The following DGKK variants were observed in gnomAD, a reference collection of about 807,000 sequenced individuals.
DGKK encodes diacylglycerol kinase kappa, also known as 142 kDa diacylglycerol kinase.
DGKK carries 35 observed loss-of-function variants against 92.2 expected under a neutral mutation model. That is an observed-to-expected ratio of 0.38 (90% confidence interval 0.29 to 0.50). The LOEUF is 0.50. Ranked by LOEUF, DGKK falls within the 20% of genes least tolerant of loss-of-function variation. DGKK has a pLI of 0.92. For synonymous variants in DGKK, 368 were observed against 360.6 expected, an observed-to-expected ratio of 1.02 and a Z score of -0.23; for missense variants, 910 against 992.2, an observed-to-expected ratio of 0.92 and a Z score of 1.11.
At chrX:50,400,707 T>C (rs1195661331) in intron 8 of DGKK, among the ~76,000 whole-genome samples, 1 of 111,909 alleles carries the variant, frequency 8.9e-6, no homozygotes, top group Non-Finnish European at 1.9e-5. Context: ...CTGGCCTTCA[T>C]GAAGTTCTTC....
intron 16 of DGKK, 106 bp from the exon 17 acceptor site, chrX:50,384,370 T>C (rs1294234871): frequency 2.0e-6 from 1 of 507,630 alleles, no homozygotes; most frequent in East Asian, 4.0e-5. Context: ...TCAAGCTCAG[T>C]GACTTTCTCC....
chrX:50,398,132 C>T (rs1443600111), intron 8 of DGKK, among the ~76,000 whole-genome samples: 1 of 111,601 alleles, frequency 9.0e-6, no homozygotes, highest in Non-Finnish European at 1.9e-5. Context: ...TGTGACTCAA[C>T]GCTAGCAAGG....
At chrX:50,397,590 C>G (rs1013068856) in intron 8 of DGKK, among the ~76,000 whole-genome samples, 1 of 112,007 alleles carries the variant, frequency 8.9e-6, no homozygotes, top group Non-Finnish European at 1.9e-5. Flanking sequence ...ATCAAATGCT[C>G]TGGGGGTAGT....
chrX:50,414,583 T>C (rs1241272172), intron 4 of DGKK, among the ~76,000 whole-genome samples: 1 of 111,708 alleles, frequency 9.0e-6, no homozygotes, highest in Non-Finnish European at 1.9e-5. Flanking sequence ...ATATATTTGG[T>C]TAATAAAATG....
chrX:50,381,428 A>G (rs1000661203), intron 18 of DGKK, among the ~76,000 whole-genome samples: 1 of 111,563 alleles, frequency 9.0e-6, no homozygotes, highest in African/African-American at 3.3e-5. Flanking sequence ...AGATCATGCC[A>G]CTGCACTCCA....
chrX:50,395,795 G>A (rs1364941509), intron 8 of DGKK, among the ~76,000 whole-genome samples: 1 of 67,261 alleles, frequency 1.5e-5, no homozygotes, highest in East Asian at 4.6e-4. Flanking sequence ...CTAGAACATT[G>A]GCAAAAAAAA....
chrX:50,371,621 A>G (rs1924129680), intron 26 of DGKK, 103 bp downstream of exon 26: 2 of 558,269 alleles, frequency 3.6e-6, no homozygotes, highest in South Asian at 3.1e-5. Context: ...CCAGCACTGG[A>G]CCCCCTGTAC....
chrX:50,416,720 G>A (rs1056787113), intron 4 of DGKK, among the ~76,000 whole-genome samples: 2 of 111,700 alleles, frequency 1.8e-5, no homozygotes, highest in African/African-American at 6.5e-5. Context: ...AAGGGGAGCT[G>A]TTAATACTTA....
In DGKK at chrX:50,365,467, C is replaced by G; in HGVS notation, c.*3473G>C. On this transcript the variant is annotated 3_prime_UTR_variant, in exon 28 of 28. Transcript: ENST00000611977. The stretch of plus-strand genomic sequence containing the variant: ...AGCAATACTTTATTAACATTGAGGA[C>G]TGGTGTTCCATTTGGCGGGGGGAGA... 1 of 111,500 alleles carries G rather than the reference C, an allele frequency of 9.0e-6. No individual in the cohort carries two copies. The highest frequency in any genetic ancestry group is 1.9e-5 in the Non-Finnish European group (1 of 53,151). The allele number at this position is 111,500 out of a possible 1,213,427, so 9.2% of individuals were successfully genotyped here.
chrX:50,408,298 C>T (rs2051320729), intron 4 of DGKK, among the ~76,000 whole-genome samples: 1 of 112,721 alleles, frequency 8.9e-6, no homozygotes, highest in African/African-American at 3.2e-5. Context: ...ATTCTCAGGC[C>T]TGGAGAACCT....
chrX:50,470,568 C>G lies in DGKK; in HGVS notation c.111G>C (p.Pro37=), dbSNP rs782008790. 1.4e-5 allele frequency: 17 copies of G among 1,203,337 alleles called. No homozygotes were observed. Among genetic ancestry groups the G allele is most frequent in the Non-Finnish European group, 1.7e-5 (15 of 893,260 alleles). ...PPPWPPPPPP[P]APPPAPPLLS... ...GCAGCGGCGGAGCCGGCGGCGGAGC[C>G]GGTGGTGGTGGCGGCGGCGGCCAAG... Residue 37 remains proline (P), a synonymous_variant, in exon 1 of 28, where the codon CCG becomes CCC. Coordinates refer to ENST00000611977, the MANE Select transcript of DGKK (RefSeq NM_001013742.4).
chrX:50,378,829 A>G (rs930305228), intron 20 of DGKK, 138 bp from the exon 21 acceptor site: 30 of 486,697 alleles, frequency 6.2e-5, no homozygotes, highest in African/African-American at 5.8e-4. Context: ...ATTAAAAGGG[A>G]AAAAGATGAG....
intron 1 of DGKK, among the ~76,000 whole-genome samples, chrX:50,453,578 C>A (rs1472813634): frequency 2.7e-5 from 3 of 111,310 alleles, no homozygotes; most frequent in Non-Finnish European, 5.7e-5. Flanking sequence ...CAAGGCCTTC[C>A]AAAAGTATGA....
At chrX:50,391,612 T>C (rs781945179) in intron 10 of DGKK, 36 bp from the exon 11 acceptor site, 1 of 1,204,460 alleles carries the variant, frequency 8.3e-7, no homozygotes, top group Admixed American at 2.2e-5. Flanking sequence ...TTTCAGACAG[T>C]CTTTCTACCA....
intron 1 of DGKK, among the ~76,000 whole-genome samples, chrX:50,460,800 T>A (rs1446501320): frequency 9.0e-6 from 1 of 111,682 alleles, no homozygotes; most frequent in Non-Finnish European, 1.9e-5. Flanking sequence ...TAATTGTGGA[T>A]AATGTCCTCA....
At chrX:50,429,823 T>G (rs782089539) in intron 1 of DGKK, among the ~76,000 whole-genome samples, 1 of 112,316 alleles carries the variant, frequency 8.9e-6, no homozygotes, top group South Asian at 3.7e-4. Flanking sequence ...AGAAGGGAGT[T>G]CTCCAGTTTT....
At chrX:50,440,702 A>G (rs997346634) in intron 1 of DGKK, among the ~76,000 whole-genome samples, 1 of 111,363 alleles carries the variant, frequency 9.0e-6, no homozygotes, top group Non-Finnish European at 1.9e-5. Context: ...GGATGACTGT[A>G]TAGTTAACTT....
intron 22 of DGKK, among the ~76,000 whole-genome samples, chrX:50,377,812 C>T (rs947623672): frequency 9.0e-6 from 1 of 111,623 alleles, no homozygotes; most frequent in South Asian, 3.8e-4. Context: ...GAGGAAGCTC[C>T]TTGTCTCACT....
intron 1 of DGKK, 41 bp from the exon 2 acceptor site, chrX:50,424,399 C>T: frequency 9.2e-7 from 1 of 1,090,821 alleles, no homozygotes; most frequent in South Asian, 2.0e-5. Flanking sequence ...TAGATCAATT[C>T]ATAAGGTCAT....
Sources: allele counts gnomAD v4.1 joint callset (sites outside exome capture counted in the v4.1 genomes callset), GRCh38; gene constraint gnomAD v4.1.1; transcripts MANE v1.5; gene names NCBI Gene and HGNC (gene_info 2026-07-23, HGNC 2026-07-21).